MAP2K3: variants seen among roughly 807,000 people sequenced by gnomAD.
MAP2K3 encodes the protein mitogen-activated protein kinase kinase 3, also known as dual specificity mitogen-activated protein kinase kinase 3.
Under a neutral mutation model 46.4 loss-of-function variants are expected in MAP2K3, and 30 were observed. The ratio of observed to expected loss-of-function variants is 0.65; its 90% confidence interval spans 0.48 to 0.88. The LOEUF is 0.88. Ranked by LOEUF, MAP2K3 falls within the 40% of genes least tolerant of loss-of-function variation. The probability of loss-of-function intolerance (pLI) is 0.00; values close to 1 mark genes in which losing one functional copy is unlikely to be tolerated. For missense variants in MAP2K3, 380 were observed against 464.5 expected (o/e 0.82, Z 1.67); for synonymous variants, 189 against 176.3 (o/e 1.07, Z -0.57).
Position 21,298,474 on chromosome 17 carries a change from C to G in MAP2K3, c.111C>G (p.Asn37Lys). 3.1e-6 allele frequency: 5 copies of G among 1,614,310 alleles called. No homozygotes were observed. Among genetic ancestry groups the G allele is most frequent in the Non-Finnish European group, 4.2e-6 (5 of 1,180,050 alleles). Residue 37 changes from asparagine to lysine, a missense_variant, in exon 2 of 12, where the codon AAC (asparagine) becomes AAG (lysine). Asn to Lys is a moderately conservative substitution (Grantham distance 94). This residue lies in a region of MAP2K3 where 294 missense variants were observed against 275.4 expected (regional missense o/e 1.07). Coordinates refer to ENST00000342679, the MANE Select transcript of MAP2K3 (RefSeq NM_145109.3). ...GCATGTCCAAGCCACCCGCACCCAA[C>G]CCCACGTGAGTCTGCCTCAGTTTCT... The part of the protein sequence containing the change: ...ISCMSKPPAP[N>K]PTPPRNLDSR...
intron 6 of MAP2K3, 117 bp downstream of exon 6, chr17:21,302,376 G>T: frequency 8.5e-7 from 1 of 1,170,056 alleles, no homozygotes; most frequent in Non-Finnish European, 1.3e-6. Context: ...GGGCATCAAT[G>T]TGCCCCCTGA....
intron 1 of MAP2K3, chr17:21,295,686 C>T (rs1461044174): frequency 2.3e-6 from 3 of 1,289,498 alleles, no homozygotes; most frequent in East Asian, 1.1e-4. Context: ...CCGGTGGATG[C>T]AGAGGCCAGT....
intron 1 of MAP2K3, among the ~76,000 whole-genome samples, chr17:21,287,678 C>T (rs1385603039): frequency 6.6e-6 from 1 of 152,250 alleles, no homozygotes; most frequent in Non-Finnish European, 1.5e-5. Context: ...GCGCTGGGGC[C>T]AGTGGGTGGG....
rs1350359086 is a variant in MAP2K3 at position 21,312,341 on chromosome 17, C to T, written c.914+60C>T. 2.7e-6 allele frequency: 4 copies of T among 1,488,964 alleles called. No homozygotes were observed. The African/African-American group carries it at 4.4e-5, about 17-fold the overall frequency. The allele number at this position is 1,488,964 out of a possible 1,614,324, so 92.2% of individuals were successfully genotyped here. ...CCCCTCCCTGGCCAGATCCCTGCAC[C>T]TTCCTGGGCCCTGTTCCTTTATTCC... is the stretch of plus-strand genomic sequence containing the variant. On this transcript the variant is annotated intron_variant, in intron 10 of 11. Coordinates refer to ENST00000342679, the MANE Select transcript of MAP2K3 (RefSeq NM_145109.3).
At chr17:21,307,214 G>A (rs544546105) in intron 9 of MAP2K3, among the ~76,000 whole-genome samples, 1 of 152,424 alleles carries the variant, frequency 6.6e-6, no homozygotes, top group South Asian at 2.1e-4. Context: ...AGGCTGTCTA[G>A]GGGCCTTACC....
At chr17:21,299,311 C>T (rs1436216346) in intron 3 of MAP2K3, among the ~76,000 whole-genome samples, 1 of 152,312 alleles carries the variant, frequency 6.6e-6, no homozygotes, top group East Asian at 1.9e-4. Context: ...TTTATGCTTC[C>T]AGAAGCCTCG....
intron 2 of MAP2K3, 21 bp from the exon 3 acceptor site, chr17:21,298,857 C>G: frequency 6.2e-7 from 1 of 1,614,180 alleles, no homozygotes; most frequent in Non-Finnish European, 8.5e-7. Context: ...CTGAAGCTCA[C>G]GGAGTCTTCT....
At chr17:21,299,556 C>T (rs1976469751) in intron 3 of MAP2K3, among the ~76,000 whole-genome samples, 1 of 152,292 alleles carries the variant, frequency 6.6e-6, no homozygotes, top group East Asian at 1.9e-4. Flanking sequence ...GTGGTGCGTG[C>T]CTGTGGCCCC....
chr17:21,291,382 G>C lies in MAP2K3; in HGVS notation c.49+6413G>C, dbSNP rs537554284. ...ACAACACAACACAACACAACACGTAGTGATAACAGTGAAGCACAGATGGCG... is the reference window on the plus strand; with the variant it reads ...ACAACACAACACAACACAACACGTACTGATAACAGTGAAGCACAGATGGCG... On this transcript the variant is annotated intron_variant, in intron 1 of 11. Transcript: ENST00000342679. The C allele has an allele frequency of 2.6e-5, 7 of 273,770 alleles. No homozygotes were observed. The African/African-American group carries it at 3.7e-4, about 14-fold the overall frequency. 17.0% of individuals were successfully genotyped at this position (273,770 alleles called of 1,614,324 possible).
At chr17:21,297,601 G>C (rs138100344) in intron 1 of MAP2K3, among the ~76,000 whole-genome samples, 4,010 of 150,868 alleles carry the variant, frequency 0.027, no homozygotes, top group South Asian at 0.055. Flanking sequence ...TGACTACAGG[G>C]AGCTCTCTCT....
At chr17:21,298,590 C>G in intron 2 of MAP2K3, 111 bp downstream of exon 2, 1 of 1,551,018 alleles carries the variant, frequency 6.4e-7, no homozygotes, top group Non-Finnish European at 8.9e-7. Context: ...CTCGTCCTGT[C>G]CTGGGCAGCC....
chr17:21,293,157 C>T (rs1453747047), intron 1 of MAP2K3, among the ~76,000 whole-genome samples: 1 of 152,308 alleles, frequency 6.6e-6, no homozygotes, highest in African/African-American at 2.4e-5. Flanking sequence ...GAAGAATGGG[C>T]ATTTTGATGG....
In MAP2K3 at chr17:21,304,446, C is replaced by T. The variant is rs1976778094; in HGVS notation, c.589C>T (p.Leu197Phe). 6.2e-7 allele frequency: 1 copy of T among 1,614,202 alleles called. No homozygotes were observed. Among genetic ancestry groups the T allele is most frequent in the Admixed American group, 1.7e-5 (1 of 60,018 alleles). ...GGCAGATGTGAAGCCCTCCAATGTC[C>T]TTATCAACAAGGAGGGCCATGTGAA... ...IHRDVKPSNVLINKEGHVKMC... is the reference protein window; with the variant it reads ...IHRDVKPSNVFINKEGHVKMC... Residue 197 changes from leucine to phenylalanine, a missense_variant, in exon 8 of 12, where the codon CTT becomes TTT. Physicochemically the swap from Leu to Phe is conservative, Grantham distance 22. This residue lies in a region of MAP2K3 where 294 missense variants were observed against 275.4 expected (regional missense o/e 1.07). Coordinates refer to ENST00000342679, the MANE Select transcript of MAP2K3 (RefSeq NM_145109.3).
intron 5 of MAP2K3, among the ~76,000 whole-genome samples, chr17:21,301,809 C>CAACA (rs1976617059): frequency 3.2e-4 from 49 of 152,394 alleles, no homozygotes; most frequent in African/African-American, 1.1e-3. Flanking sequence ...TCAGCAGGGC[C>CAACA]GGCTGTTGCC....
chr17:21,286,691 A>G (rs1420956065), intron 1 of MAP2K3, among the ~76,000 whole-genome samples: 1 of 152,256 alleles, frequency 6.6e-6, no homozygotes, highest in Non-Finnish European at 1.5e-5. Flanking sequence ...CTCTCCAGGC[A>G]GAGAATGCCT....
At chr17:21,295,873 A>G in intron 1 of MAP2K3, 1 of 1,285,196 alleles carries the variant, frequency 7.8e-7, no homozygotes, top group Non-Finnish European at 1.0e-6. Flanking sequence ...GACCAAGAGC[A>G]GAGAGAGTGC....
At chr17:21,305,484 A>G (rs1304436216) in intron 9 of MAP2K3, among the ~76,000 whole-genome samples, 2 of 152,304 alleles carry the variant, frequency 1.3e-5, no homozygotes, top group Non-Finnish European at 2.9e-5. Context: ...AAAATATTTC[A>G]TAGCAGAAGG....
intron 6 of MAP2K3, 116 bp from the exon 7 acceptor site, chr17:21,303,067 G>T: frequency 7.7e-7 from 1 of 1,301,816 alleles, no homozygotes. Context: ...TGCGTAGCCT[G>T]TGCAGCGGGA....
chr17:21,299,889 G>A (rs567078467), intron 3 of MAP2K3, among the ~76,000 whole-genome samples: 2 of 152,424 alleles, frequency 1.3e-5, no homozygotes, highest in East Asian at 3.9e-4. Flanking sequence ...GGCTGAGACA[G>A]GAGAATCGCT....
Sources: gnomAD v4.1 joint callset for allele counts (sites outside exome capture counted in the v4.1 genomes callset) on GRCh38, gnomAD v4.1.1 for gene constraint, gnomAD v4.1.1 regional missense constraint, MANE v1.5 for transcripts, NCBI Gene and HGNC (gene_info 2026-07-23, HGNC 2026-07-21) for gene names.